Variants in CPNE4 observed in about 807,000 individuals in gnomAD.
CPNE4 encodes the protein copine-4.
CPNE4 carries 25 observed loss-of-function variants against 67.9 expected under a neutral mutation model. The ratio of observed to expected loss-of-function variants is 0.37; its 90% CI spans 0.27 to 0.51. The LOEUF (loss-of-function observed/expected upper bound fraction) is 0.51, where lower values mean the gene tolerates loss of function less well. Ranked by LOEUF, CPNE4 falls within the 20% of genes least tolerant of loss-of-function variation. The pLI is 0.93. For synonymous variants in CPNE4, 242 were observed against 244.9 expected (o/e 0.99, Z 0.11); for missense variants, 464 against 690.8 (o/e 0.67, Z 3.68).
rs188132875 is a variant in CPNE4 at position 132,023,090 on chromosome 3, T to C, written c.-2+11477A>G. Among the ~76,000 whole-genome samples, 132 of 152,222 alleles carry C rather than the reference T, an allele frequency of 8.7e-4. 1 individual carries two copies. Among genetic ancestry groups the C allele is most frequent in the Non-Finnish European group, 1.6e-3 (111 of 68,016 alleles). ...ACCAAGATAAAATATCTATAGAACA[T>C]CTCATTCCCATCAGACAACAAATTA... On this transcript the variant is annotated intron_variant, in intron 1 of 15. Transcript: ENST00000429747.
chr3:131,575,431 T>A (rs990160728), intron 9 of CPNE4, among the ~76,000 whole-genome samples: 3 of 152,184 alleles, frequency 2.0e-5, no homozygotes, highest in Non-Finnish European at 4.4e-5. Flanking sequence ...TTTTCAAGTG[T>A]CACTACTGTT....
intron 2 of CPNE4, among the ~76,000 whole-genome samples, chr3:131,767,599 T>C (rs2083055256): frequency 6.6e-6 from 1 of 151,980 alleles, no homozygotes; most frequent in Non-Finnish European, 1.5e-5. Context: ...TGCTTCATCA[T>C]ACCTGAAAGG....
intron 1 of CPNE4, among the ~76,000 whole-genome samples, chr3:132,002,576 C>A (rs1371193429): frequency 2.0e-5 from 3 of 152,060 alleles, no homozygotes; most frequent in Non-Finnish European, 2.9e-5. Flanking sequence ...TGACACTTGT[C>A]CTCAGGAAGT....
At chr3:131,944,713 C>CATAAATAAAATAAAATAAAATAAA (rs770428515) in intron 1 of CPNE4, among the ~76,000 whole-genome samples, 13,168 of 152,140 alleles carry the variant, frequency 0.087, 681 homozygotes, top group Middle Eastern at 0.12. Flanking sequence ...AATCAATTTA[C>CATAAATAAAATAAAATAAAATAAA]ATCTTAATTT....
intron 1 of CPNE4, among the ~76,000 whole-genome samples, chr3:132,003,060 GA>G (rs1242578244): frequency 1.3e-5 from 2 of 152,106 alleles, no homozygotes; most frequent in African/African-American, 2.4e-5. Flanking sequence ...TAGGGTACAA[GA>G]AAAACAGAGT....
intron 7 of CPNE4, among the ~76,000 whole-genome samples, chr3:131,668,970 T>C (rs1158963037): frequency 6.6e-6 from 1 of 152,176 alleles, no homozygotes; most frequent in Non-Finnish European, 1.5e-5. Flanking sequence ...GTAATGACCA[T>C]GTGACTTGCT....
chr3:131,557,478 C>CTT (rs573818587), intron 11 of CPNE4, among the ~76,000 whole-genome samples: 75 of 152,152 alleles, frequency 4.9e-4, no homozygotes, highest in African/African-American at 1.7e-3. Flanking sequence ...TTTGACAAAA[C>CTT]TTTACCAAAA....
chr3:131,874,078 T>A (rs1016060849), intron 2 of CPNE4, among the ~76,000 whole-genome samples: 2 of 150,808 alleles, frequency 1.3e-5, no homozygotes, highest in Admixed American at 6.7e-5. Context: ...TATTCCTTCA[T>A]TCAGTTGTTT....
chr3:131,568,292 TTC>T (rs1937163063), intron 10 of CPNE4, among the ~76,000 whole-genome samples: 1 of 152,058 alleles, frequency 6.6e-6, no homozygotes, highest in South Asian at 2.1e-4. Flanking sequence ...CCACCAAGAA[TTC>T]TCTGTGCTCT....
intron 1 of CPNE4, among the ~76,000 whole-genome samples, chr3:131,956,944 T>C (rs1229229760): frequency 1.3e-5 from 2 of 152,250 alleles, no homozygotes; most frequent in Non-Finnish European, 2.9e-5. Flanking sequence ...CTGACATTTT[T>C]GTCATCAGGA....
intron 11 of CPNE4, among the ~76,000 whole-genome samples, chr3:131,559,769 C>T (rs1936659991): frequency 6.6e-6 from 1 of 152,084 alleles, no homozygotes; most frequent in South Asian, 2.1e-4. Flanking sequence ...TCTCAACTCA[C>T]ATTGAAGAGC....
At chr3:131,669,799 A>G in intron 6 of CPNE4, 35 bp from the exon 7 acceptor site, 1 of 1,488,458 alleles carries the variant, frequency 6.7e-7, no homozygotes, top group Non-Finnish European at 9.3e-7. Context: ...TGAGTGGGGG[A>G]GAAATGCTTG....
chr3:131,842,750 GA>G lies in CPNE4; in HGVS notation c.180+62513del, dbSNP rs1416709424. Among the ~76,000 whole-genome samples, 7 of 117,850 alleles carry G rather than the reference GA, an allele frequency of 5.9e-5. No homozygotes were observed. In the East Asian group the frequency reaches 2.0e-3, roughly 33 times the overall value. 77.3% of individuals were successfully genotyped at this position (117,850 alleles called of 152,430 possible). Reference sequence around the variant, plus strand: ...TGTTGTAAAAAAAAAAAAAAAAAAAGAAAAAGCCATATCTCTTCACATCTGA... The same window carrying G: ...TGTTGTAAAAAAAAAAAAAAAAAAAGAAAAGCCATATCTCTTCACATCTGA... On this transcript the variant is annotated intron_variant, in intron 2 of 15. Coordinates refer to ENST00000429747, the MANE Select transcript of CPNE4 (RefSeq NM_130808.3).
intron 3 of CPNE4, among the ~76,000 whole-genome samples, chr3:131,717,853 G>C (rs7643350): frequency 0.016 from 1,304 of 81,214 alleles, 119 homozygotes; most frequent in African/African-American, 0.04. Context: ...TTCCTTCCTC[G>C]CTCCCTCCTT....
intron 7 of CPNE4, among the ~76,000 whole-genome samples, chr3:131,637,231 A>G (rs1404839296): frequency 3.3e-5 from 5 of 152,236 alleles, no homozygotes; most frequent in African/African-American, 9.6e-5. Flanking sequence ...AAGGTTGATT[A>G]TCAAGCTAAT....
At chr3:131,973,893 T>C (rs1371599981) in intron 1 of CPNE4, among the ~76,000 whole-genome samples, 1 of 152,234 alleles carries the variant, frequency 6.6e-6, no homozygotes, top group African/African-American at 2.4e-5. Context: ...CGTTATTTTT[T>C]ACCCTAAGAA....
At chr3:131,708,533 GTCTTCC>G (rs2081470417) in intron 3 of CPNE4, among the ~76,000 whole-genome samples, 1 of 152,102 alleles carries the variant, frequency 6.6e-6, no homozygotes, top group African/African-American at 2.4e-5. Flanking sequence ...GAGTGAGGCA[GTCTTCC>G]AAGCTGAGAA....
At chr3:132,014,370 G>T (rs2073844674) in intron 1 of CPNE4, among the ~76,000 whole-genome samples, 1 of 151,862 alleles carries the variant, frequency 6.6e-6, no homozygotes, top group African/African-American at 2.4e-5. Context: ...CCAAGATCCT[G>T]TTTCTGAGAA....
At chr3:131,776,025 C>T (rs2083282211) in intron 2 of CPNE4, among the ~76,000 whole-genome samples, 1 of 152,142 alleles carries the variant, frequency 6.6e-6, no homozygotes, top group Non-Finnish European at 1.5e-5. Context: ...GTTACTCTCA[C>T]ATTCAGGCTC....
Sources: gnomAD v4.1 joint callset for allele counts (sites outside exome capture counted in the v4.1 genomes callset) on GRCh38, gnomAD v4.1.1 for gene constraint, MANE v1.5 for transcripts, NCBI Gene and HGNC (gene_info 2026-07-23, HGNC 2026-07-21) for gene names.